NKAIN3: variants seen among roughly 807,000 people sequenced by gnomAD.
NKAIN3 encodes sodium/potassium transporting ATPase interacting 3.
Under a neutral mutation model 30.2 loss-of-function variants are expected in NKAIN3, and 25 were observed. That is an observed-to-expected ratio of 0.83 (90% CI 0.60 to 1.16). NKAIN3 has a LOEUF of 1.16. Among genes scored for constraint, NKAIN3 ranks in the 50% most tolerant of loss-of-function variants. The probability of loss-of-function intolerance (pLI) is 0.00; values close to 1 mark genes in which losing one functional copy is unlikely to be tolerated. For synonymous variants in NKAIN3, 91 were observed against 89.6 expected, an observed-to-expected ratio of 1.02 and a Z score of -0.09; for missense variants, 225 against 254.1, an observed-to-expected ratio of 0.89 and a Z score of 0.78.
At chr8:62,294,732 A>T (rs1183554147) in intron 1 of NKAIN3, among the ~76,000 whole-genome samples, 1 of 151,986 alleles carries the variant, frequency 6.6e-6, no homozygotes, top group East Asian at 1.9e-4. Flanking sequence ...TTTGGTAGAG[A>T]TGGGGTCTCC....
intron 3 of NKAIN3, among the ~76,000 whole-genome samples, chr8:62,672,793 C>T (rs1412587660): frequency 6.6e-6 from 1 of 152,150 alleles, no homozygotes; most frequent in Non-Finnish European, 1.5e-5. Context: ...TACTCTATCT[C>T]TTTATATTCA....
chr8:62,380,892 T>C (rs1053849650), intron 1 of NKAIN3, among the ~76,000 whole-genome samples: 14 of 152,146 alleles, frequency 9.2e-5, no homozygotes, highest in African/African-American at 3.4e-4. Flanking sequence ...TTGTAAGCCA[T>C]TCTGAAGAAC....
chr8:62,806,030 C>T (rs1223685276), intron 4 of NKAIN3, among the ~76,000 whole-genome samples: 1 of 152,132 alleles, frequency 6.6e-6, no homozygotes, highest in African/African-American at 2.4e-5. Flanking sequence ...GTCGTTTATG[C>T]AGCCAAAAAA....
intron 6 of NKAIN3, among the ~76,000 whole-genome samples, chr8:62,960,449 G>A (rs1823538703): frequency 6.6e-6 from 1 of 151,682 alleles, no homozygotes; most frequent in Admixed American, 6.6e-5. Flanking sequence ...ATTTGCCATT[G>A]ATTTCAATGG....
intron 4 of NKAIN3, among the ~76,000 whole-genome samples, chr8:62,760,196 A>G (rs1182189756): frequency 6.6e-6 from 1 of 152,212 alleles, no homozygotes; most frequent in African/African-American, 2.4e-5. Flanking sequence ...AACTAGTTCA[A>G]CCATTGTGGA....
rs569623631 is a variant in NKAIN3 at position 62,756,305 on chromosome 8, C to A, written c.471+9176C>A. 1.9e-3 allele frequency among the ~76,000 whole-genome samples: 285 copies of A among 152,244 alleles called. 1 individual carries two copies. The highest frequency in any genetic ancestry group is 3.7e-3 in the African/African-American group (154 of 41,544). On this transcript the variant is annotated intron_variant, in intron 4 of 6. Transcript: ENST00000623646. ...CTAATTTCTGTCTCTATAGACTTGC[C>A]TCTACTGGATATGTCATATAAATGT...
At chr8:62,677,003 G>A (rs1306568919) in intron 3 of NKAIN3, among the ~76,000 whole-genome samples, 1 of 152,126 alleles carries the variant, frequency 6.6e-6, no homozygotes, top group African/African-American at 2.4e-5. Flanking sequence ...ACAGACGTGA[G>A]CCACTGCACC....
intron 3 of NKAIN3, among the ~76,000 whole-genome samples, chr8:62,674,172 C>T (rs376942419): frequency 2.6e-5 from 4 of 152,292 alleles, no homozygotes; most frequent in East Asian, 1.9e-4. Flanking sequence ...CTCCACCTAT[C>T]GCTCTGGCCA....
chr8:62,903,523 A>T (rs753954707), intron 4 of NKAIN3, among the ~76,000 whole-genome samples: 5 of 152,086 alleles, frequency 3.3e-5, no homozygotes, highest in Non-Finnish European at 5.9e-5. Context: ...TGACAGTTGC[A>T]CTAAAAGGCC....
chr8:62,893,323 A>T (rs1821344779), intron 4 of NKAIN3, among the ~76,000 whole-genome samples: 1 of 152,166 alleles, frequency 6.6e-6, no homozygotes, highest in Admixed American at 6.6e-5. Flanking sequence ...AGTAGCAGCC[A>T]CTCAGTTTGA....
chr8:62,685,014 C>T (rs1203077944), intron 3 of NKAIN3, among the ~76,000 whole-genome samples: 2 of 152,148 alleles, frequency 1.3e-5, no homozygotes, highest in African/African-American at 4.8e-5. Context: ...AAGAGACTCG[C>T]ATAGTCAGGA....
chr8:62,576,719 C>A lies in NKAIN3; in HGVS notation c.55-2820C>A, dbSNP rs1810120869. ...CAAGTTCCCAACTTAAGTTCACTGA[C>A]CATAGAATGGGGAAGGGATGCCTCC... On this transcript the variant is annotated intron_variant, in intron 1 of 6. Transcript: ENST00000623646. 2.6e-5 allele frequency among the ~76,000 whole-genome samples: 4 copies of A among 152,218 alleles called. No homozygotes were observed. The South Asian group carries it at 8.3e-4, about 32-fold the overall frequency.
chr8:62,999,143 G>A (rs952693632), intron 5 of NKAIN3: 1 of 152,140 alleles, frequency 6.6e-6, no homozygotes. Context: ...TGGTGTGTTA[G>A]TCTGTTTTGT....
At chr8:62,334,563 G>C (rs1322474103) in intron 1 of NKAIN3, among the ~76,000 whole-genome samples, 1 of 152,088 alleles carries the variant, frequency 6.6e-6, no homozygotes, top group South Asian at 2.1e-4. Flanking sequence ...TAACTCAATG[G>C]CTTTGGAAGT....
intron 4 of NKAIN3, among the ~76,000 whole-genome samples, chr8:62,840,436 A>C (rs892721738): frequency 1.3e-5 from 2 of 151,884 alleles, no homozygotes; most frequent in African/African-American, 4.8e-5. Context: ...AAAAAAAAAA[A>C]AACAATCAGA....
intron 5 of NKAIN3, among the ~76,000 whole-genome samples, chr8:62,952,174 TTAAG>T (rs1160591418): frequency 6.6e-6 from 1 of 152,132 alleles, no homozygotes; most frequent in Non-Finnish European, 1.5e-5. Flanking sequence ...CATAATCTAA[TTAAG>T]TAGTAAATAT....
Position 62,671,817 on chromosome 8 carries a change from T to C in NKAIN3, c.274-75115T>C, listed in dbSNP as rs547545425. Among the ~76,000 whole-genome samples, 21 of 152,110 alleles carry C rather than the reference T, an allele frequency of 1.4e-4. No homozygotes were observed. The South Asian group carries it at 4.4e-3, about 32-fold the overall frequency. ...TTCTTTAGGATAGCTTCCCACATAA[T>C]AGAAAAAAATGACTTCAGCAGTCCC... On this transcript the variant is annotated intron_variant, in intron 3 of 6. Coordinates refer to ENST00000623646, the MANE Select transcript of NKAIN3 (RefSeq NM_001304533.3).
intron 5 of NKAIN3, among the ~76,000 whole-genome samples, chr8:62,925,568 A>G (rs1822410230): frequency 6.6e-6 from 1 of 152,170 alleles, no homozygotes; most frequent in Non-Finnish European, 1.5e-5. Context: ...AGGGGGTTCT[A>G]ATTTTCTGTG....
chr8:62,667,363 A>ATATATATAAATATATATATG (rs1554561922), intron 3 of NKAIN3, among the ~76,000 whole-genome samples: 5 of 53,400 alleles, frequency 9.4e-5, no homozygotes, highest in African/African-American at 5.3e-4. Context: ...ATATATCTGT[A>ATATATATAAATATATATATG]TATATATATA....
Sources: allele counts gnomAD v4.1 joint callset (sites outside exome capture counted in the v4.1 genomes callset), GRCh38; gene constraint gnomAD v4.1.1; transcripts MANE v1.5; gene names NCBI Gene and HGNC (gene_info 2026-07-23, HGNC 2026-07-21).